The following MAPK10 variants were observed in gnomAD, a reference collection of about 807,000 sequenced individuals.
MAPK10 encodes mitogen-activated protein kinase 10, also known as JNK3 alpha protein kinase.
In MAPK10, 25 loss-of-function variants were observed where a neutral mutation model predicts 59.3. The ratio of observed to expected loss-of-function variants is 0.42; its 90% confidence interval spans 0.31 to 0.59. MAPK10 has a LOEUF of 0.59. Among genes scored for constraint, MAPK10 ranks in the 20% least tolerant of loss-of-function variants. The pLI is 0.15. For missense variants in MAPK10, 351 were observed against 568.9 expected, an observed-to-expected ratio of 0.62 and a Z score of 3.90; for synonymous variants, 190 against 200.5, an observed-to-expected ratio of 0.95 and a Z score of 0.44.
intron 1 of MAPK10, among the ~76,000 whole-genome samples, chr4:86,540,436 G>A (rs1758590058): frequency 1.3e-5 from 2 of 151,946 alleles, no homozygotes; most frequent in Non-Finnish European, 2.9e-5. Context: ...GGAGGCGGAG[G>A]TTGCAGTGAG....
intron 2 of MAPK10, among the ~76,000 whole-genome samples, chr4:86,218,737 T>A (rs1461410757): frequency 6.6e-6 from 1 of 152,180 alleles, no homozygotes; most frequent in Non-Finnish European, 1.5e-5. Context: ...GGAGAGGTGC[T>A]GAACTTACAT....
At chr4:86,296,588 G>A (rs114217551) in intron 2 of MAPK10, among the ~76,000 whole-genome samples, 1,598 of 152,242 alleles carry the variant, frequency 0.01, 19 homozygotes, top group African/African-American at 0.029. Context: ...AGTATTGACT[G>A]GCAAACATAG....
intron 2 of MAPK10, among the ~76,000 whole-genome samples, chr4:86,341,276 C>G (rs1242453430): frequency 6.6e-6 from 1 of 152,178 alleles, no homozygotes; most frequent in Non-Finnish European, 1.5e-5. Flanking sequence ...ATAACACAAA[C>G]TTGGCTGTAG....
At chr4:86,505,006 C>T (rs1755623851) in intron 1 of MAPK10, among the ~76,000 whole-genome samples, 1 of 152,146 alleles carries the variant, frequency 6.6e-6, no homozygotes, top group Non-Finnish European at 1.5e-5. Flanking sequence ...ATAAATACAA[C>T]ACACTAATTC....
intron 1 of MAPK10, among the ~76,000 whole-genome samples, chr4:86,585,246 ATC>A (rs1429860837): frequency 6.6e-6 from 1 of 152,190 alleles, no homozygotes; most frequent in Non-Finnish European, 1.5e-5. Flanking sequence ...TGCAGTAGTA[ATC>A]TCTCTTCATT....
chr4:86,557,710 G>A (rs1321719397), intron 1 of MAPK10, among the ~76,000 whole-genome samples: 2 of 152,028 alleles, frequency 1.3e-5, no homozygotes, highest in African/African-American at 2.4e-5. Context: ...CTAATATAGA[G>A]TGTAGAGGTG....
At chr4:86,342,387 T>A (rs1273820180) in intron 2 of MAPK10, among the ~76,000 whole-genome samples, 2 of 152,180 alleles carry the variant, frequency 1.3e-5, no homozygotes, top group African/African-American at 4.8e-5. Flanking sequence ...GTGTAGGCGT[T>A]TCGTGGTAAT....
chr4:86,327,628 G>A (rs1374114257), intron 2 of MAPK10: 1 of 151,382 alleles, frequency 6.6e-6, no homozygotes, highest in Non-Finnish European at 1.5e-5. Flanking sequence ...ATTAAGTAGT[G>A]TGCTACTACA....
intron 4 of MAPK10, chr4:86,124,570 AT>A (rs2059777099): frequency 6.6e-6 from 1 of 151,940 alleles, no homozygotes; most frequent in South Asian, 2.1e-4. Context: ...AATAGCTATT[AT>A]TATTAACAAA....
chr4:86,205,440 CTG>C lies in MAPK10; in HGVS notation c.-6-11035_-6-11034del, dbSNP rs960994136. Among the ~76,000 whole-genome samples the C allele has an allele frequency of 1.1e-4, 17 of 151,860 alleles. 1 individual carries two copies. The highest frequency in any genetic ancestry group is 7.2e-4 in the Admixed American group (11 of 15,218). Reference sequence around the variant, plus strand: ...AAGTATCTCTTGCTTTTTATACAAACTGTTATAAAATAACAAAAAAGTGAGAA... The same window carrying C: ...AAGTATCTCTTGCTTTTTATACAAACTTATAAAATAACAAAAAAGTGAGAA... On this transcript the variant is annotated intron_variant, in intron 2 of 13. Transcript: ENST00000641462.
chr4:86,454,087 A>T (rs953178714), upstream of MAPK10, among the ~76,000 whole-genome samples: 4 of 152,072 alleles, frequency 2.6e-5, no homozygotes, highest in African/African-American at 9.7e-5. Flanking sequence ...TCAAGGAAAC[A>T]CCCTTTTGAA....
intron 1 of MAPK10, among the ~76,000 whole-genome samples, chr4:86,588,415 G>A (rs1465488638): frequency 6.6e-6 from 1 of 151,896 alleles, no homozygotes; most frequent in Non-Finnish European, 1.5e-5. Context: ...TCCTCAAACA[G>A]TTAACAGAAA....
At chr4:86,099,659 A>G (rs1017003459) in intron 8 of MAPK10, 1 of 152,188 alleles carries the variant, frequency 6.6e-6, no homozygotes, top group Non-Finnish European at 1.5e-5. Context: ...AATTCCTTCT[A>G]GTGAGGGAAG....
chr4:86,095,717 C>T lies in MAPK10; in HGVS notation c.802+2807G>A, dbSNP rs1373378410. The T allele has an allele frequency of 4.0e-5, 6 of 151,858 alleles. No homozygotes were observed. The South Asian group carries it at 8.3e-4, about 21-fold the overall frequency. The allele number at this position is 151,858 out of a possible 1,614,324, so 9.4% of individuals were successfully genotyped here. On this transcript the variant is annotated intron_variant, in intron 9 of 13. Transcript: ENST00000641462. The stretch of plus-strand genomic sequence containing the variant: ...ACTGCTCAGTTGTTGGTAGGAAGTC[C>T]TGTGCATAAAATGATAATAATTTCA...
chr4:86,288,613 A>G (rs2095111709), intron 2 of MAPK10, among the ~76,000 whole-genome samples: 1 of 152,060 alleles, frequency 6.6e-6, no homozygotes, highest in South Asian at 2.1e-4. Context: ...GGGAGGGATG[A>G]GTCCAAGTAA....
intron 1 of MAPK10, among the ~76,000 whole-genome samples, chr4:86,550,374 TAAAAAAAAAAAAAAAAAAAAAA>T (rs753508493): frequency 1.0e-4 from 8 of 77,390 alleles, no homozygotes; most frequent in African/African-American, 2.8e-4. Context: ...GAGCTTCAGT[TAAAAAAAAAAAAAAAAAAAAAA>T]AAAAAAAAAA....
intron 1 of MAPK10, among the ~76,000 whole-genome samples, chr4:86,432,884 A>G (rs893479892): frequency 1.3e-5 from 2 of 152,224 alleles, no homozygotes; most frequent in African/African-American, 4.8e-5. Flanking sequence ...CTTCTGGGAA[A>G]GAGAAATAGG....
At chr4:86,404,790 G>T (rs1282340768) in intron 1 of MAPK10, among the ~76,000 whole-genome samples, 1 of 152,154 alleles carries the variant, frequency 6.6e-6, no homozygotes, top group African/African-American at 2.4e-5. Context: ...TCTTGGTTTC[G>T]AATTCTATCT....
At chr4:86,170,032 G>T (rs1203185201) in intron 3 of MAPK10, among the ~76,000 whole-genome samples, 5 of 151,688 alleles carry the variant, frequency 3.3e-5, no homozygotes, top group East Asian at 1.9e-4. Flanking sequence ...TCACCACCAG[G>T]CCTGCCCTAA....
Sources: gnomAD v4.1 joint callset for allele counts (sites outside exome capture counted in the v4.1 genomes callset) on GRCh38, gnomAD v4.1.1 for gene constraint, MANE v1.5 for transcripts, NCBI Gene and HGNC (gene_info 2026-07-23, HGNC 2026-07-21) for gene names.